DLG2: variants seen among roughly 807,000 people sequenced by gnomAD.
The protein encoded by DLG2 is disks large homolog 2.
In DLG2, 45 loss-of-function variants were observed where a neutral mutation model predicts 132.5. The observed-to-expected ratio is 0.34, with a 90% CI of 0.27 to 0.44. The LOEUF is 0.44. DLG2 is among the 20% of genes least tolerant of loss of function. The pLI is 1.00. For synonymous variants in DLG2, 424 were observed against 419.6 expected (o/e 1.01, Z -0.13); for missense variants, 1,045 against 1,196.9 (o/e 0.87, Z 1.87).
chr11:84,178,709 G>A (rs67455162), intron 8 of DLG2, among the ~76,000 whole-genome samples: 8,864 of 151,602 alleles, frequency 0.058, 325 homozygotes, highest in African/African-American at 0.094. Flanking sequence ...GCACTGCTAT[G>A]ATGCCAGGCT....
intron 7 of DLG2, among the ~76,000 whole-genome samples, chr11:84,299,156 T>A (rs140221948): frequency 6.6e-6 from 1 of 152,252 alleles, no homozygotes; most frequent in East Asian, 1.9e-4. Flanking sequence ...ACATGTTTAA[T>A]CCAACATAGA....
intron 4 of DLG2, among the ~76,000 whole-genome samples, chr11:85,204,905 A>G (rs576609434): frequency 6.6e-6 from 1 of 152,230 alleles, no homozygotes; most frequent in South Asian, 2.1e-4. Context: ...CATTTTCAAC[A>G]AAGGTGTCAA....
At chr11:85,530,078 C>T (rs2075090980) in intron 3 of DLG2, among the ~76,000 whole-genome samples, 1 of 145,612 alleles carries the variant, frequency 6.9e-6, no homozygotes, top group Non-Finnish European at 1.5e-5. Flanking sequence ...CTCACCACAA[C>T]CTCCACCTCA....
At chr11:83,982,216 G>C (rs1389160977) in intron 11 of DLG2, among the ~76,000 whole-genome samples, 2 of 151,918 alleles carry the variant, frequency 1.3e-5, no homozygotes, top group Non-Finnish European at 2.9e-5. Context: ...TTATATTTGA[G>C]TGTACCCCTC....
At chr11:84,755,051 A>T (rs2153837079) in intron 6 of DLG2, among the ~76,000 whole-genome samples, 1 of 152,340 alleles carries the variant, frequency 6.6e-6, no homozygotes, top group Admixed American at 6.5e-5. Context: ...AAATTTTTGC[A>T]GCTTCTCCAA....
At chr11:84,403,561 T>C (rs1025355014) in intron 7 of DLG2, among the ~76,000 whole-genome samples, 2 of 152,206 alleles carry the variant, frequency 1.3e-5, no homozygotes, top group East Asian at 1.9e-4. Flanking sequence ...ATCACTGTTA[T>C]ATGTTCCTTC....
At chr11:83,707,164 A>T (rs10792692) in intron 18 of DLG2, among the ~76,000 whole-genome samples, 37,910 of 152,086 alleles carry the variant, frequency 0.25, 5,448 homozygotes, top group African/African-American at 0.39. Flanking sequence ...GATGAGGCTG[A>T]AGGACTGGCT....
At chr11:84,272,706 T>A (rs148759614) in intron 7 of DLG2, among the ~76,000 whole-genome samples, 2 of 152,304 alleles carry the variant, frequency 1.3e-5, no homozygotes, top group East Asian at 3.9e-4. Context: ...CAAGATAACT[T>A]TTTTGGTGGG....
chr11:85,124,879 G>A lies in DLG2; in HGVS notation c.283-13144C>T, dbSNP rs552459780. Among the ~76,000 whole-genome samples the A allele has an allele frequency of 6.0e-5, 9 of 149,554 alleles. No individual in the cohort carries two copies. The South Asian group carries it at 1.5e-3, about 25-fold the overall frequency. Reference sequence around the variant, plus strand: ...GGAGTCTCGCTGTGTCGCCCAGGCTGGAGTGCAGTGGCGCAATCTTGGCTC... The same window carrying A: ...GGAGTCTCGCTGTGTCGCCCAGGCTAGAGTGCAGTGGCGCAATCTTGGCTC... On this transcript the variant is annotated intron_variant, in intron 5 of 27. Coordinates refer to ENST00000376104, the MANE Select transcript of DLG2 (RefSeq NM_001142699.3).
At chr11:85,328,728 CCT>C (rs2081541306) in intron 3 of DLG2, among the ~76,000 whole-genome samples, 1 of 151,486 alleles carries the variant, frequency 6.6e-6, no homozygotes, top group Admixed American at 6.6e-5. Context: ...ACAAGAATGC[CCT>C]CTCTCACCGC....
intron 7 of DLG2, among the ~76,000 whole-genome samples, chr11:84,362,411 A>T (rs1047699347): frequency 6.6e-6 from 1 of 152,032 alleles, no homozygotes; most frequent in Non-Finnish European, 1.5e-5. Context: ...GTTTTAATTC[A>T]GAAGACTTCA....
intron 3 of DLG2, among the ~76,000 whole-genome samples, chr11:85,539,262 T>C (rs2075808147): frequency 1.3e-5 from 2 of 149,544 alleles, no homozygotes; most frequent in African/African-American, 2.6e-5. Flanking sequence ...ATGATACAGC[T>C]GTCACTCCAT....
intron 6 of DLG2, chr11:84,545,303 CA>C: frequency 3.9e-6 from 2 of 507,888 alleles, no homozygotes; most frequent in Admixed American, 2.1e-5. Context: ...TTGTAGCTGC[CA>C]AAATCACTGT....
At chr11:85,163,631 G>T (rs1404553085) in intron 4 of DLG2, among the ~76,000 whole-genome samples, 1 of 152,132 alleles carries the variant, frequency 6.6e-6, no homozygotes, top group Non-Finnish European at 1.5e-5. Flanking sequence ...TTTAGAGTAA[G>T]AAAGAAATGG....
intron 7 of DLG2, among the ~76,000 whole-genome samples, chr11:84,457,662 G>T (rs912837026): frequency 2.7e-5 from 4 of 150,862 alleles, no homozygotes; most frequent in African/African-American, 4.8e-5. Context: ...GTGCGACCCT[G>T]AATGATGTTT....
chr11:83,474,687 T>G (rs1259068427), intron 22 of DLG2, among the ~76,000 whole-genome samples: 1 of 152,108 alleles, frequency 6.6e-6, no homozygotes, highest in African/African-American at 2.4e-5. Flanking sequence ...TCAACAAATT[T>G]GCATTCTGAT....
chr11:84,605,277 T>C (rs1281899673), intron 6 of DLG2, among the ~76,000 whole-genome samples: 1 of 151,914 alleles, frequency 6.6e-6, no homozygotes, highest in Non-Finnish European at 1.5e-5. Context: ...TACCTTAGCA[T>C]GCATTTTTAG....
In DLG2 at chr11:84,877,255, T is replaced by C. The variant is rs529533413; in HGVS notation, c.357+234406A>G. On this transcript the variant is annotated intron_variant, in intron 6 of 27. Coordinates refer to ENST00000376104, the MANE Select transcript of DLG2 (RefSeq NM_001142699.3). Reference sequence around the variant, plus strand: ...TGAATATTCTTGTTAATTTTCTGTCTCATTGATCTGTCTAATATTGACAGT... The same window carrying C: ...TGAATATTCTTGTTAATTTTCTGTCCCATTGATCTGTCTAATATTGACAGT... Among the ~76,000 whole-genome samples the C allele has an allele frequency of 7.9e-5, 12 of 152,208 alleles. No homozygotes were observed. In the South Asian group the frequency reaches 2.3e-3, roughly 29 times the overall value.
At chr11:84,711,734 C>T (rs1033609783) in intron 6 of DLG2, among the ~76,000 whole-genome samples, 4 of 151,972 alleles carry the variant, frequency 2.6e-5, no homozygotes, top group Admixed American at 2.0e-4. Flanking sequence ...TTGGATGAGG[C>T]TCACCCACAT....
Sources: allele counts gnomAD v4.1 joint callset (sites outside exome capture counted in the v4.1 genomes callset), GRCh38; gene constraint gnomAD v4.1.1; transcripts MANE v1.5; gene names NCBI Gene and HGNC (gene_info 2026-07-23, HGNC 2026-07-21).